The following CFTR variants were observed in gnomAD, a reference collection of about 807,000 sequenced individuals.
CFTR encodes the protein cystic fibrosis transmembrane conductance regulator.
CFTR carries 181 observed loss-of-function variants against 171.6 expected under a neutral mutation model. The observed-to-expected ratio is 1.05, with a 90% confidence interval of 0.93 to 1.19. The LOEUF (loss-of-function observed/expected upper bound fraction) is 1.19, where lower values mean the gene tolerates loss of function less well. CFTR is among the 50% of genes most tolerant of loss of function. The pLI, the probability that CFTR is intolerant of heterozygous loss-of-function variation, is 0.00. For synonymous variants in CFTR, 583 were observed against 608.0 expected (o/e 0.96, Z 0.60); for missense variants, 1,968 against 1,734.7 (o/e 1.13, Z -2.39).
At chr7:117,585,969 C>T (rs1791927226) in intron 11 of CFTR, among the ~76,000 whole-genome samples, 1 of 152,020 alleles carries the variant, frequency 6.6e-6, no homozygotes, top group East Asian at 1.9e-4. Context: ...AAAGAGAATA[C>T]GATTTGAAAA....
At chr7:117,586,917 T>A (rs972748391) in intron 11 of CFTR, among the ~76,000 whole-genome samples, 5 of 152,178 alleles carry the variant, frequency 3.3e-5, no homozygotes, top group Non-Finnish European at 5.9e-5. Flanking sequence ...AATTTGCCAA[T>A]TAATTGTGAA....
At chr7:117,577,601 C>T (rs1164605228) in intron 11 of CFTR, among the ~76,000 whole-genome samples, 1 of 152,058 alleles carries the variant, frequency 6.6e-6, no homozygotes, top group Non-Finnish European at 1.5e-5. Context: ...CAATGCTTTC[C>T]TCAGTATTAT....
intron 2 of CFTR, among the ~76,000 whole-genome samples, chr7:117,508,114 T>C (rs554710232): frequency 6.6e-6 from 1 of 152,372 alleles, no homozygotes; most frequent in African/African-American, 2.4e-5. Flanking sequence ...TGTTTACTTA[T>C]GGTAACTTGA....
At chr7:117,581,991 A>C (rs1791856103) in intron 11 of CFTR, among the ~76,000 whole-genome samples, 1 of 152,048 alleles carries the variant, frequency 6.6e-6, no homozygotes, top group Admixed American at 6.6e-5. Context: ...CCTGGGCTCC[A>C]GCGATTCACC....
chr7:117,594,577 T>C (rs1210005427), intron 14 of CFTR, among the ~76,000 whole-genome samples: 1 of 152,054 alleles, frequency 6.6e-6, no homozygotes, highest in Non-Finnish European at 1.5e-5. Flanking sequence ...TCAAAGAGAG[T>C]TCTGGGAAAC....
intron 15 of CFTR, among the ~76,000 whole-genome samples, chr7:117,602,196 C>T (rs1792237247): frequency 6.6e-6 from 1 of 152,166 alleles, no homozygotes; most frequent in Non-Finnish European, 1.5e-5. Flanking sequence ...CCAGGCCTGG[C>T]TAATAGTTTT....
intron 23 of CFTR, among the ~76,000 whole-genome samples, chr7:117,648,444 G>A (rs749510687): frequency 2.4e-4 from 37 of 152,180 alleles, no homozygotes; most frequent in South Asian, 4.1e-4. Context: ...GTTTGTCACC[G>A]GGTGAGTAAT....
intron 11 of CFTR, among the ~76,000 whole-genome samples, chr7:117,559,909 G>A (rs1412611234): frequency 1.3e-5 from 2 of 151,788 alleles, no homozygotes; most frequent in Non-Finnish European, 2.9e-5. Context: ...TTTATGAAAT[G>A]GTGAGAATTT....
chr7:117,521,615 G>A (rs1202006065), intron 3 of CFTR, among the ~76,000 whole-genome samples: 1 of 151,908 alleles, frequency 6.6e-6, no homozygotes, highest in Non-Finnish European at 1.5e-5. Flanking sequence ...TTGGAATAAC[G>A]ACATATAAAG....
At chr7:117,562,462 C>T (rs1562899430) in intron 11 of CFTR, among the ~76,000 whole-genome samples, 2 of 152,098 alleles carry the variant, frequency 1.3e-5, no homozygotes, top group Admixed American at 6.5e-5. Context: ...GTTGGTATAT[C>T]GTGTGGAAGA....
chr7:117,650,368 TAC>T (rs1156370740), intron 23 of CFTR, among the ~76,000 whole-genome samples: 2 of 152,056 alleles, frequency 1.3e-5, no homozygotes, highest in Non-Finnish European at 2.9e-5. Flanking sequence ...GAAGGTACCA[TAC>T]ACTGAGATGG....
Position 117,667,118 on chromosome 7 carries a change from T to A in CFTR, c.*10T>A, listed in dbSNP as rs1267366320. 3.1e-6 allele frequency: 5 copies of A among 1,612,414 alleles called. No individual in the cohort carries two copies. The highest frequency in any genetic ancestry group is 4.2e-6 in the Non-Finnish European group (5 of 1,178,774). On this transcript the variant is annotated 3_prime_UTR_variant, in exon 27 of 27. Coordinates refer to ENST00000003084, the MANE Select transcript of CFTR (RefSeq NM_000492.4). ...AGATACAAGGCTTTAGAGAGCAGCA[T>A]AAATGTTGACATGGGACATTTGCTC...
intron 10 of CFTR, among the ~76,000 whole-genome samples, chr7:117,549,786 G>A (rs1462544155): frequency 6.6e-6 from 1 of 151,000 alleles, no homozygotes; most frequent in Non-Finnish European, 1.5e-5. Flanking sequence ...AAGACAAACA[G>A]AAAAAGAAAG....
At chr7:117,533,847 CT>C (rs1392468711) in intron 4 of CFTR, among the ~76,000 whole-genome samples, 1 of 150,690 alleles carries the variant, frequency 6.6e-6, no homozygotes, top group Non-Finnish European at 1.5e-5. Flanking sequence ...TCATCATATA[CT>C]TTTATTGACT....
intron 3 of CFTR, among the ~76,000 whole-genome samples, chr7:117,509,837 G>A (rs537803888): frequency 6.6e-6 from 1 of 152,236 alleles, no homozygotes; most frequent in African/African-American, 2.4e-5. Flanking sequence ...CCTATAAAAG[G>A]AGACAGATTC....
chr7:117,498,924 C>T (rs888581297), intron 1 of CFTR, among the ~76,000 whole-genome samples: 1 of 151,202 alleles, frequency 6.6e-6, no homozygotes, highest in African/African-American at 2.4e-5. Context: ...AATTTGTCTA[C>T]ACAAACTAGA....
intron 24 of CFTR, among the ~76,000 whole-genome samples, chr7:117,653,266 T>G (rs912861976): frequency 2.0e-5 from 3 of 152,200 alleles, no homozygotes; most frequent in Non-Finnish European, 4.4e-5. Flanking sequence ...AGCCTACTTC[T>G]CTCCTCACTG....
At chr7:117,576,104 T>G (rs1163139374) in intron 11 of CFTR, among the ~76,000 whole-genome samples, 1 of 152,162 alleles carries the variant, frequency 6.6e-6, no homozygotes, top group Non-Finnish European at 1.5e-5. Flanking sequence ...TTTATTGTTT[T>G]TCATTGGAAA....
rs1793360255 is a variant in CFTR at position 117,665,545 on chromosome 7, T to C, written c.4223T>C (p.Leu1408Pro). ...ILCEHRIEAMLECQQFLVIEE... is the reference protein window; with the variant it reads ...ILCEHRIEAMPECQQFLVIEE... ...TGTGAACACAGGATAGAAGCAATGC[T>C]GGAATGCCAACAATTTTTGGTGAGT... The change falls in exon 26 of 27, where the codon CTG (leucine) becomes CCG (proline). Residue 1408 changes from leucine to proline, a missense_variant. By Grantham distance (98) the Leu-to-Pro change is moderately conservative. Transcript: ENST00000003084. 1.2e-6 allele frequency: 2 copies of C among 1,611,954 alleles called. No homozygotes were observed. Among genetic ancestry groups the C allele is most frequent in the African/African-American group, 1.3e-5 (1 of 74,998 alleles).
Sources: gnomAD v4.1 joint callset for allele counts (sites outside exome capture counted in the v4.1 genomes callset) on GRCh38, gnomAD v4.1.1 for gene constraint, MANE v1.5 for transcripts, NCBI Gene and HGNC (gene_info 2026-07-23, HGNC 2026-07-21) for gene names.